PHACTR4: variants seen among roughly 807,000 people sequenced by gnomAD.
The protein encoded by PHACTR4 is phosphatase and actin regulator 4.
Under a neutral mutation model 72.7 loss-of-function variants are expected in PHACTR4, and 51 were observed. The observed-to-expected ratio is 0.70, with a 90% confidence interval of 0.56 to 0.89. PHACTR4 has a LOEUF of 0.89. Among genes scored for constraint, PHACTR4 ranks in the 40% least tolerant of loss-of-function variants. PHACTR4 has a pLI of 0.00. For synonymous variants in PHACTR4, 255 were observed against 302.5 expected, an observed-to-expected ratio of 0.84 and a Z score of 1.63; for missense variants, 731 against 861.8, an observed-to-expected ratio of 0.85 and a Z score of 1.90.
intron 1 of PHACTR4, among the ~76,000 whole-genome samples, chr1:28,382,743 C>G (rs1186173958): frequency 1.3e-5 from 2 of 152,078 alleles, no homozygotes; most frequent in African/African-American, 4.8e-5. Context: ...AGGAAGGGAT[C>G]CATTTTCAAT....
chr1:28,441,223 A>T (rs1025590437), intron 2 of PHACTR4, among the ~76,000 whole-genome samples: 18 of 151,904 alleles, frequency 1.2e-4, no homozygotes, highest in Admixed American at 7.2e-4. Flanking sequence ...TTTTTAATTT[A>T]ATTTTATTTT....
At chr1:28,405,849 C>T (rs1341360590) in intron 1 of PHACTR4, among the ~76,000 whole-genome samples, 1 of 151,382 alleles carries the variant, frequency 6.6e-6, no homozygotes, top group Non-Finnish European at 1.5e-5. Flanking sequence ...TGAGATTGCA[C>T]CATTGCACTC....
chr1:28,441,259 G>T (rs1330259509), intron 2 of PHACTR4, among the ~76,000 whole-genome samples: 1 of 150,836 alleles, frequency 6.6e-6, no homozygotes, highest in African/African-American at 2.4e-5. Flanking sequence ...ATATTTGTGT[G>T]TGTGAAAATG....
chr1:28,397,799 G>A (rs536749289), intron 1 of PHACTR4, among the ~76,000 whole-genome samples: 3 of 151,400 alleles, frequency 2.0e-5, no homozygotes, highest in Non-Finnish European at 2.9e-5. Flanking sequence ...GGGTTCAAGC[G>A]ATTCCTCTGC....
intron 9 of PHACTR4, among the ~76,000 whole-genome samples, chr1:28,484,385 G>C (rs1203495842): frequency 1.3e-5 from 2 of 152,082 alleles, no homozygotes; most frequent in South Asian, 2.1e-4. Flanking sequence ...TACGTGGGAG[G>C]CTGTGGCAGC....
chr1:28,443,913 T>A (rs1657234817), intron 2 of PHACTR4, among the ~76,000 whole-genome samples: 1 of 152,174 alleles, frequency 6.6e-6, no homozygotes, highest in Non-Finnish European at 1.5e-5. Flanking sequence ...TTCAGTATAA[T>A]GATTTCCTTT....
chr1:28,416,651 G>T (rs1191832521), intron 2 of PHACTR4, among the ~76,000 whole-genome samples: 1 of 152,158 alleles, frequency 6.6e-6, no homozygotes, highest in African/African-American at 2.4e-5. Flanking sequence ...TAGCAAGTGG[G>T]ATAGGTTGAC....
At chr1:28,446,471 G>C (rs1440453541) in intron 2 of PHACTR4, among the ~76,000 whole-genome samples, 1 of 152,150 alleles carries the variant, frequency 6.6e-6, no homozygotes, top group Non-Finnish European at 1.5e-5. Context: ...AAGTTCTCAT[G>C]AGATCTGGTC....
At chr1:28,405,618 C>T (rs1367833601) in intron 1 of PHACTR4, among the ~76,000 whole-genome samples, 2 of 152,026 alleles carry the variant, frequency 1.3e-5, no homozygotes, top group African/African-American at 2.4e-5. Context: ...TGAACCACCA[C>T]GCCTGGCCCC....
At chr1:28,458,386 G>A (rs891558702) in intron 2 of PHACTR4, among the ~76,000 whole-genome samples, 4 of 151,966 alleles carry the variant, frequency 2.6e-5, no homozygotes, top group Non-Finnish European at 4.4e-5. Context: ...GAGCTTAAGC[G>A]ATCTGCCTGC....
intron 2 of PHACTR4, among the ~76,000 whole-genome samples, chr1:28,408,479 G>A (rs1654522850): frequency 6.6e-6 from 1 of 152,046 alleles, no homozygotes; most frequent in South Asian, 2.1e-4. Flanking sequence ...AAACACTTGA[G>A]GCCTGGAAGG....
intron 2 of PHACTR4, chr1:28,453,468 T>C: frequency 2.7e-6 from 1 of 365,200 alleles, no homozygotes; most frequent in South Asian, 6.0e-5. Context: ...ATACCATAGA[T>C]TGAGGTCTGT....
intron 2 of PHACTR4, among the ~76,000 whole-genome samples, chr1:28,441,812 T>C (rs1278455351): frequency 6.6e-6 from 1 of 151,994 alleles, no homozygotes; most frequent in Non-Finnish European, 1.5e-5. Flanking sequence ...CTGGGCAACA[T>C]AGGGCAACAC....
chr1:28,480,660 G>C, intron 9 of PHACTR4, 56 bp downstream of exon 9: 1 of 1,588,202 alleles, frequency 6.3e-7, no homozygotes, highest in Non-Finnish European at 8.6e-7. Context: ...ATTTGTGTTA[G>C]ATGTTGTTAG....
intron 1 of PHACTR4, among the ~76,000 whole-genome samples, chr1:28,370,201 C>A (rs1436565091): frequency 6.6e-6 from 1 of 152,126 alleles, no homozygotes; most frequent in Non-Finnish European, 1.5e-5. Flanking sequence ...CCTGGGGATC[C>A]GGTTACAGTA....
chr1:28,384,361 G>A (rs1652408974), intron 1 of PHACTR4, among the ~76,000 whole-genome samples: 1 of 151,992 alleles, frequency 6.6e-6, no homozygotes, highest in Admixed American at 6.6e-5. Context: ...GTCTGTTCAG[G>A]GATTCAATTT....
intron 1 of PHACTR4, among the ~76,000 whole-genome samples, chr1:28,373,456 A>AATT (rs1431860305): frequency 6.6e-6 from 1 of 151,594 alleles, no homozygotes; most frequent in African/African-American, 2.4e-5. Flanking sequence ...ATGCCTGGCT[A>AATT]ATTTTGTATT....
rs1452397882 is a variant in PHACTR4, at chr1:28,473,955, C to A, written c.1225C>A (p.Pro409Thr). 6.2e-7 allele frequency: 1 copy of A among 1,614,154 alleles called. No individual in the cohort carries two copies. Among genetic ancestry groups the A allele is most frequent in the Non-Finnish European group, 8.5e-7 (1 of 1,180,020 alleles). Residue 409 changes from proline (P) to threonine (T), a missense_variant, in exon 7 of 14, where the codon CCC becomes ACC. Around this residue, in one of 2 missense-constraint regions of PHACTR4, gnomAD observed 621 missense variants for 676.6 expected, o/e 0.92. Coordinates refer to ENST00000373839, the MANE Select transcript of PHACTR4 (RefSeq NM_001048183.3). ...LDQNFGEPHI[P>T]SRLPPLPLHI... ...CCAGAACTTTGGGGAGCCCCATATACCCTCTAGGCTGCCTCCACTCCCACT... is the reference window on the plus strand; with the variant it reads ...CCAGAACTTTGGGGAGCCCCATATAACCTCTAGGCTGCCTCCACTCCCACT...
rs1658622963 is a variant in PHACTR4, at chr1:28,459,200, C to T, written c.132C>T (p.Phe44=). The change falls in exon 3 of 14, where the codon TTC becomes TTT. Residue 44 remains phenylalanine (F), a synonymous_variant. Transcript: ENST00000373839. ...KSKFSGFGKI[F]KPWKWRKKKS... is the part of the protein sequence containing the mutation. ...AGTTCTCAGGCTTTGGCAAGATCTT[C>T]AAGCCCTGGAAATGGAGGAAAAAAA... The T allele has an allele frequency of 6.2e-7, 1 of 1,613,330 alleles. No homozygotes were observed. The highest frequency in any genetic ancestry group is 8.5e-7 in the Non-Finnish European group (1 of 1,179,888).
Sources: allele counts gnomAD v4.1 joint callset (sites outside exome capture counted in the v4.1 genomes callset), GRCh38; gene constraint gnomAD v4.1.1; regional missense constraint gnomAD v4.1.1; transcripts MANE v1.5; gene names NCBI Gene and HGNC (gene_info 2026-07-23, HGNC 2026-07-21).